Variants in GALNT17 observed in about 807,000 individuals in gnomAD.
The protein encoded by GALNT17 is UDP-GalNAc:polypeptide N-acetylgalactosaminyltransferase-like 3.
GALNT17 carries 29 observed loss-of-function variants against 63.7 expected under a neutral mutation model. The observed-to-expected ratio is 0.46, with a 90% confidence interval of 0.34 to 0.62. The LOEUF is 0.62. Ranked by LOEUF, GALNT17 falls within the 20% of genes least tolerant of loss-of-function variation. The pLI is 0.01. For synonymous variants in GALNT17, 305 were observed against 318.3 expected (o/e 0.96, Z 0.45); for missense variants, 603 against 799.6 (o/e 0.75, Z 2.97).
intron 1 of GALNT17, among the ~76,000 whole-genome samples, chr7:71,197,192 CTTTTT>C (rs34276195): frequency 1.4e-5 from 1 of 69,768 alleles, no homozygotes; most frequent in African/African-American, 6.2e-5. Context: ...CCCTGTTGTG[CTTTTT>C]TTTTTTTTTT....
intron 1 of GALNT17, among the ~76,000 whole-genome samples, chr7:71,273,809 C>G (rs1451300247): frequency 6.6e-6 from 1 of 151,858 alleles, no homozygotes; most frequent in African/African-American, 2.4e-5. Context: ...ACAATCATGG[C>G]ATTTCCAAAA....
Position 71,132,949 on chromosome 7 carries a change from C to T in GALNT17, c.147C>T (p.Ala49=), listed in dbSNP as rs145550936. ...AGATCCGGCCGCGCGCCGAGGTGGC[C>T]AACCTCAGCGCGCACAGCGCCAGCC... The part of the protein sequence containing the change: ...FHEIRPRAEV[A]NLSAHSASPI... The change falls in exon 1 of 11, where the codon GCC becomes GCT. Residue 49 remains alanine (A), a synonymous_variant. Coordinates refer to ENST00000333538, the MANE Select transcript of GALNT17 (RefSeq NM_022479.3). 1,943 of 1,610,426 alleles carry T rather than the reference C, an allele frequency of 1.2e-3. No individual in the cohort carries two copies. The highest frequency in any genetic ancestry group is 1.5e-3 in the Non-Finnish European group (1,803 of 1,179,428).
intron 6 of GALNT17, among the ~76,000 whole-genome samples, chr7:71,595,206 G>C (rs1360503230): frequency 6.6e-6 from 1 of 152,180 alleles, no homozygotes; most frequent in Non-Finnish European, 1.5e-5. Context: ...AGAATCGCTA[G>C]AGGTTAGGAA....
At chr7:71,396,059 T>C (rs1193687384) in intron 3 of GALNT17, among the ~76,000 whole-genome samples, 1 of 152,206 alleles carries the variant, frequency 6.6e-6, no homozygotes, top group East Asian at 1.9e-4. Flanking sequence ...TCTCTTTCTG[T>C]GGGTTGTCTT....
intron 1 of GALNT17, chr7:71,284,287 C>A: frequency 6.5e-6 from 1 of 154,702 alleles, no homozygotes; most frequent in Non-Finnish European, 1.4e-5. Flanking sequence ...GCCTCTGCCT[C>A]TTGGGTTCAA....
intron 1 of GALNT17, among the ~76,000 whole-genome samples, chr7:71,246,693 G>A (rs1298690187): frequency 2.6e-5 from 4 of 151,872 alleles, no homozygotes; most frequent in Admixed American, 6.5e-5. Context: ...AGCCGGGCAT[G>A]TGGCGGGCGC....
At chr7:71,267,381 T>C (rs1790509782) in intron 1 of GALNT17, among the ~76,000 whole-genome samples, 1 of 151,602 alleles carries the variant, frequency 6.6e-6, no homozygotes, top group Non-Finnish European at 1.5e-5. Flanking sequence ...TTTTTTTTTT[T>C]TTCTTCTAGG....
At chr7:71,374,623 A>G (rs1792686371) in intron 2 of GALNT17, among the ~76,000 whole-genome samples, 1 of 152,180 alleles carries the variant, frequency 6.6e-6, no homozygotes, top group Non-Finnish European at 1.5e-5. Flanking sequence ...TCACACTGCA[A>G]AGGATGTGGA....
At chr7:71,329,860 A>G (rs1791772268) in intron 1 of GALNT17, among the ~76,000 whole-genome samples, 1 of 151,944 alleles carries the variant, frequency 6.6e-6, no homozygotes, top group South Asian at 2.1e-4. Flanking sequence ...CAATGGCCAT[A>G]TACCTTGGAG....
At position 71,486,374 on chromosome 7, in the gene GALNT17, AATAATAATAAT is replaced by A. The variant is rs1563128898; in HGVS notation, c.962+65271_962+65281del. 1.6e-4 allele frequency among the ~76,000 whole-genome samples: 23 copies of A among 145,262 alleles called. 3 individuals are homozygous for A. Among genetic ancestry groups the A allele is most frequent in the Admixed American group, 8.2e-4 (12 of 14,548 alleles). On this transcript the variant is annotated intron_variant, in intron 5 of 10. Transcript: ENST00000333538. ...TAATAATAATAATAATAATAATAATAATAATAATAATAATAGTAAATAATATATTTCCTCCC... is the reference window on the plus strand; with the variant it reads ...TAATAATAATAATAATAATAATAATAAATAGTAAATAATATATTTCCTCCC...
rs568295916 is a variant in GALNT17, at chr7:71,561,052, G to A, written c.963-10233G>A. 4.6e-5 allele frequency among the ~76,000 whole-genome samples: 7 copies of A among 152,136 alleles called. No individual in the cohort carries two copies. In the East Asian group the frequency reaches 1.2e-3, roughly 25 times the overall value. On this transcript the variant is annotated intron_variant, in intron 5 of 10. Transcript: ENST00000333538. ...TTTTGAGACAGAGTCTCGCTCTGTCGGCCAGGCTGGAGTGCAGTGGCATGA... is the reference window on the plus strand; with the variant it reads ...TTTTGAGACAGAGTCTCGCTCTGTCAGCCAGGCTGGAGTGCAGTGGCATGA...
At chr7:71,551,212 C>T (rs945899623) in intron 5 of GALNT17, among the ~76,000 whole-genome samples, 1 of 152,120 alleles carries the variant, frequency 6.6e-6, no homozygotes, top group African/African-American at 2.4e-5. Context: ...TTCATTAATG[C>T]TCTCTTCAGC....
intron 5 of GALNT17, among the ~76,000 whole-genome samples, chr7:71,429,863 C>T (rs1786827470): frequency 6.6e-6 from 1 of 152,198 alleles, no homozygotes; most frequent in African/African-American, 2.4e-5. Context: ...CCCACCACCA[C>T]ACCCAGCTAA....
intron 2 of GALNT17, among the ~76,000 whole-genome samples, chr7:71,373,451 A>G (rs1057002909): frequency 3.7e-4 from 57 of 152,088 alleles, no homozygotes; most frequent in Non-Finnish European, 7.2e-4. Context: ...CCGAGTCTCT[A>G]TACCGGGGGT....
intron 9 of GALNT17, among the ~76,000 whole-genome samples, chr7:71,704,958 G>C (rs1348294393): frequency 2.0e-5 from 3 of 152,006 alleles, no homozygotes; most frequent in South Asian, 4.2e-4. Context: ...TTTTGCAATG[G>C]TTTCTTAGAT....
At chr7:71,307,716 G>A (rs1168000162) in intron 1 of GALNT17, 3 of 152,414 alleles carry the variant, frequency 2.0e-5, no homozygotes, top group African/African-American at 7.3e-5. Flanking sequence ...CTTCTACCAA[G>A]TTAAGCATAC....
intron 5 of GALNT17, among the ~76,000 whole-genome samples, chr7:71,524,288 G>A (rs1788589065): frequency 6.9e-6 from 1 of 145,564 alleles, no homozygotes; most frequent in Non-Finnish European, 1.5e-5. Context: ...TATCATATTA[G>A]TATATTGATA....
intron 1 of GALNT17, among the ~76,000 whole-genome samples, chr7:71,215,653 A>G (rs931270456): frequency 3.9e-5 from 6 of 152,092 alleles, no homozygotes; most frequent in African/African-American, 1.2e-4. Flanking sequence ...AGCAAATCCC[A>G]GATACTATGT....
chr7:71,646,356 C>T (rs1790675627), intron 6 of GALNT17, among the ~76,000 whole-genome samples: 1 of 152,204 alleles, frequency 6.6e-6, no homozygotes, highest in South Asian at 2.1e-4. Flanking sequence ...AAGGATAACC[C>T]AGCTCAGCAT....
Sources: gnomAD v4.1 joint callset for allele counts (sites outside exome capture counted in the v4.1 genomes callset) on GRCh38, gnomAD v4.1.1 for gene constraint, MANE v1.5 for transcripts, NCBI Gene and HGNC (gene_info 2026-07-23, HGNC 2026-07-21) for gene names.